The following VPS41 variants were observed in gnomAD, a reference collection of about 807,000 sequenced individuals.
VPS41 encodes VPS41 subunit of HOPS complex, also known as vacuolar protein sorting-associated protein 41 homolog.
A neutral mutation model predicts 130.9 loss-of-function variants in VPS41; 85 were observed. The ratio of observed to expected loss-of-function variants is 0.65; its 90% CI spans 0.55 to 0.78. The LOEUF is 0.78. Ranked by LOEUF, VPS41 falls within the 30% of genes least tolerant of loss-of-function variation. The pLI, the probability that VPS41 is intolerant of heterozygous loss-of-function variation, is 0.00. For synonymous variants in VPS41, 335 were observed against 332.9 expected, an observed-to-expected ratio of 1.01 and a Z score of -0.07; for missense variants, 874 against 1,018.7, an observed-to-expected ratio of 0.86 and a Z score of 1.93.
intron 7 of VPS41, among the ~76,000 whole-genome samples, chr7:38,815,943 C>T (rs376025895): frequency 2.3e-5 from 3 of 131,462 alleles, no homozygotes; most frequent in Non-Finnish European, 5.3e-5. Flanking sequence ...TATATATATA[C>T]ACATATATAC....
At chr7:38,875,006 A>G (rs1323462361) in intron 2 of VPS41, among the ~76,000 whole-genome samples, 1 of 152,202 alleles carries the variant, frequency 6.6e-6, no homozygotes, top group Admixed American at 6.5e-5. Context: ...TTTCTTTGCT[A>G]TTACTATTAA....
chr7:38,736,222 T>C lies in VPS41; in HGVS notation c.2259+5763A>G, dbSNP rs539692944. Among the ~76,000 whole-genome samples the C allele has an allele frequency of 2.0e-5, 3 of 152,336 alleles. No individual in the cohort carries two copies. In the South Asian group the frequency reaches 6.2e-4, roughly 32 times the overall value. ...CTCAAGGTTCTCAAATTTCAATACA[T>C]AGACTAGTGCCAGACTAGGTGTGTA... On this transcript the variant is annotated intron_variant, in intron 25 of 28. Coordinates refer to ENST00000310301, the MANE Select transcript of VPS41 (RefSeq NM_014396.4).
intron 7 of VPS41, among the ~76,000 whole-genome samples, chr7:38,810,656 G>A (rs1328978499): frequency 6.6e-6 from 1 of 152,086 alleles, no homozygotes; most frequent in Admixed American, 6.5e-5. Flanking sequence ...CTGTTCTTAA[G>A]GGTTAAGAAT....
chr7:38,795,995 A>G (rs1010477859), intron 8 of VPS41, among the ~76,000 whole-genome samples: 4 of 152,242 alleles, frequency 2.6e-5, no homozygotes, highest in Non-Finnish European at 5.9e-5. Flanking sequence ...CCACCTATAT[A>G]AAGAAAACTA....
At chr7:38,766,653 G>A (rs779522973) in intron 15 of VPS41, among the ~76,000 whole-genome samples, 6 of 152,180 alleles carry the variant, frequency 3.9e-5, no homozygotes, top group Non-Finnish European at 7.3e-5. Context: ...CATCATGGGA[G>A]TGACCAGATG....
rs1584410571 is a variant in VPS41 at position 38,817,837 on chromosome 7, A to T, written c.430T>A (p.Phe144Ile). The T allele has an allele frequency of 6.2e-7, 1 of 1,614,112 alleles. No homozygotes were observed. Among genetic ancestry groups the T allele is most frequent in the Non-Finnish European group, 8.5e-7 (1 of 1,179,992 alleles). ...CTTACCTTCTTCCCTCCGGTCACAAACTGCTTGCAACTGGATCTCACGAAA... is the reference window on the plus strand; with the variant it reads ...CTTACCTTCTTCCCTCCGGTCACAATCTGCTTGCAACTGGATCTCACGAAA... ...PHFVRSSCKQ[F>I]VTGGKKLLLF... is the part of the protein sequence containing the mutation. The change falls in exon 7 of 29, where the codon TTT becomes ATT. Residue 144 changes from phenylalanine to isoleucine, a missense_variant. Phe to Ile is a conservative substitution (Grantham distance 21). Coordinates refer to ENST00000310301, the MANE Select transcript of VPS41 (RefSeq NM_014396.4).
rs1048073879 is a variant in VPS41 at position 38,880,772 on chromosome 7, A to G, written c.61-11519T>C. On this transcript the variant is annotated intron_variant, in intron 2 of 28. Transcript: ENST00000310301. ...CCTTTGTGCTATTTAGATTTGTTAT[A>G]GCATTTCTTGAGCCTGCAGAGACAG... Among the ~76,000 whole-genome samples the G allele has an allele frequency of 4.6e-5, 7 of 152,366 alleles. No individual in the cohort carries two copies. The East Asian group carries it at 9.6e-4, about 21-fold the overall frequency.
intron 6 of VPS41, among the ~76,000 whole-genome samples, chr7:38,818,897 C>G (rs996231151): frequency 6.6e-6 from 1 of 152,118 alleles, no homozygotes; most frequent in Non-Finnish European, 1.5e-5. Flanking sequence ...CCTCTTCCTA[C>G]AATGTCATTT....
chr7:38,821,430 C>T (rs1033974786), intron 5 of VPS41, among the ~76,000 whole-genome samples, 165 bp from the exon 6 acceptor site: 9 of 152,138 alleles, frequency 5.9e-5, no homozygotes, highest in African/African-American at 1.2e-4. Flanking sequence ...CAGCCACGTA[C>T]GGTGGCTCAC....
chr7:38,775,918 C>T (rs1784250341), intron 11 of VPS41, among the ~76,000 whole-genome samples: 1 of 152,062 alleles, frequency 6.6e-6, no homozygotes. Context: ...CTATATACAG[C>T]ATCCAAAAGA....
chr7:38,796,396 C>T (rs1304936241), intron 8 of VPS41: 13 of 458,796 alleles, frequency 2.8e-5, no homozygotes, highest in Non-Finnish European at 4.3e-5. Flanking sequence ...GCACTTGTTT[C>T]ATATCAACTC....
At chr7:38,877,248 A>G (rs1044803249) in intron 2 of VPS41, among the ~76,000 whole-genome samples, 2 of 152,198 alleles carry the variant, frequency 1.3e-5, no homozygotes, top group Non-Finnish European at 2.9e-5. Flanking sequence ...AGATTTCCAC[A>G]CAGGAAAATC....
intron 10 of VPS41, among the ~76,000 whole-genome samples, chr7:38,784,667 G>A (rs1311083222): frequency 4.0e-5 from 6 of 150,420 alleles, no homozygotes; most frequent in African/African-American, 1.5e-4. Context: ...GGGGAAGGAG[G>A]AGGGGAAGGG....
Position 38,909,159 on chromosome 7 carries a change from C to G in VPS41, c.16G>C (p.Glu6Gln). ...CTACCACCTGCACCCTTTACCTGCT[C>G]CTCTGCTTCCGCCATGGCGCCACGG... MAEAE[E>Q]QETGSLEEST... The change falls in exon 1 of 29, where the codon GAG becomes CAG. Residue 6 changes from glutamate (E) to glutamine (Q), a missense_variant. Coordinates refer to ENST00000310301, the MANE Select transcript of VPS41 (RefSeq NM_014396.4). 6.2e-7 allele frequency: 1 copy of G among 1,614,226 alleles called. No individual in the cohort carries two copies. The highest frequency in any genetic ancestry group is 8.5e-7 in the Non-Finnish European group (1 of 1,180,036).
chr7:38,843,204 C>G (rs1785647446), intron 4 of VPS41, among the ~76,000 whole-genome samples: 1 of 152,160 alleles, frequency 6.6e-6, no homozygotes, highest in African/African-American at 2.4e-5. Flanking sequence ...TGCCCCTGTT[C>G]TTTTGGGACC....
At chr7:38,831,554 C>CAA (rs1785387557) in intron 4 of VPS41, among the ~76,000 whole-genome samples, 1 of 152,238 alleles carries the variant, frequency 6.6e-6, no homozygotes, top group Non-Finnish European at 1.5e-5. Flanking sequence ...CTCTTCTTTA[C>CAA]TGCAAGTTAC....
At chr7:38,888,407 A>G (rs549850341) in intron 2 of VPS41, among the ~76,000 whole-genome samples, 1 of 152,336 alleles carries the variant, frequency 6.6e-6, no homozygotes, top group East Asian at 1.9e-4. Flanking sequence ...CTTTAAACCA[A>G]CAAAGATCAA....
Position 38,758,372 on chromosome 7 carries a change from A to C in VPS41, c.1532T>G (p.Leu511Arg), listed in dbSNP as rs1266102095. Residue 511 changes from leucine to arginine, a missense_variant, in exon 18 of 29, where the codon CTT becomes CGT. Coordinates refer to ENST00000310301, the MANE Select transcript of VPS41 (RefSeq NM_014396.4). The part of the protein sequence containing the change: ...LKKDSQNKTL[L>R]KTLAELYTYD... ...TACTCACAATTCTGCCAGGGTTTTA[A>C]GTAAAGTCTTGTTCTGACTATCTTT... The C allele has an allele frequency of 3.1e-6, 5 of 1,610,588 alleles. No individual in the cohort carries two copies. The highest frequency in any genetic ancestry group is 4.2e-6 in the Non-Finnish European group (5 of 1,179,076).
At chr7:38,855,098 A>G (rs1468023620) in intron 4 of VPS41, among the ~76,000 whole-genome samples, 1 of 151,514 alleles carries the variant, frequency 6.6e-6, no homozygotes, top group Non-Finnish European at 1.5e-5. Flanking sequence ...AGTCCCAGCT[A>G]CTTGGGAAGG....
Sources: allele counts gnomAD v4.1 joint callset (sites outside exome capture counted in the v4.1 genomes callset), GRCh38; gene constraint gnomAD v4.1.1; transcripts MANE v1.5; gene names NCBI Gene and HGNC (gene_info 2026-07-23, HGNC 2026-07-21).